Variants in PHF24 observed in about 807,000 individuals in gnomAD.
PHF24 encodes Galpha inhibitory interacting protein.
A neutral mutation model predicts 42.6 loss-of-function variants in PHF24; 25 were observed. The ratio of observed to expected loss-of-function variants is 0.59; its 90% CI spans 0.43 to 0.82. The LOEUF is 0.82. PHF24 is among the 40% of genes least tolerant of loss of function. The pLI is 0.00. For synonymous variants in PHF24, 185 were observed against 204.8 expected (o/e 0.90, Z 0.83); for missense variants, 470 against 538.1 (o/e 0.87, Z 1.25).
At chr9:34,964,739 T>TC (rs527811277) in intron 1 of PHF24, among the ~76,000 whole-genome samples, 196 of 152,310 alleles carry the variant, frequency 1.3e-3, no homozygotes, top group Admixed American at 4.7e-3. Flanking sequence ...TAGACATGCT[T>TC]CTCTTACCCA....
At chr9:34,957,781 C>G (rs929474810), upstream of PHF24, 2 of 152,256 alleles carry the variant, frequency 1.3e-5, no homozygotes, top group African/African-American at 4.8e-5. Context: ...TCATTCTCCC[C>G]ACCCCGGGCA....
At chr9:34,723,471 C>G in the PHF24 span, 1 of 1,551,824 alleles carries the variant, frequency 6.4e-7, no homozygotes, top group East Asian at 2.4e-5. Flanking sequence ...GGGCTCTTGG[C>G]TGGAGCCAGG....
chr9:34,777,958 G>A, the PHF24 span, among the ~76,000 whole-genome samples: 1 of 152,188 alleles, frequency 6.6e-6, no homozygotes, highest in Admixed American at 6.5e-5. Context: ...AGTCTGTGGT[G>A]GTAATGTGGA....
the PHF24 span, among the ~76,000 whole-genome samples, chr9:34,839,024 G>A: frequency 3.1e-3 from 478 of 152,344 alleles, no homozygotes; most frequent in African/African-American, 0.011. Context: ...TAACAGAGGT[G>A]CGGGAAGGGG....
chr9:34,910,727 G>A, the PHF24 span, among the ~76,000 whole-genome samples: 35 of 152,060 alleles, frequency 2.3e-4, no homozygotes, highest in Admixed American at 2.3e-3. Context: ...AAAGACTAAG[G>A]GGTTTTGTCA....
chr9:34,918,181 A>C, the PHF24 span: 1 of 1,464,674 alleles, frequency 6.8e-7, no homozygotes, highest in South Asian at 1.1e-5. Flanking sequence ...AAGAAGGGTT[A>C]CTTTGAAGAC....
At chr9:34,899,464 GC>G in the PHF24 span, among the ~76,000 whole-genome samples, 3 of 152,168 alleles carry the variant, frequency 2.0e-5, no homozygotes, top group Non-Finnish European at 4.4e-5. Context: ...CTCCACACAA[GC>G]CTTACGAAAG....
chr9:34,733,339 T>C, the PHF24 span, among the ~76,000 whole-genome samples: 1 of 152,314 alleles, frequency 6.6e-6, no homozygotes, highest in South Asian at 2.1e-4. Context: ...AAAAATCACT[T>C]ATTGATATGT....
chr9:34,768,402 G>A, the PHF24 span, among the ~76,000 whole-genome samples: 1 of 152,180 alleles, frequency 6.6e-6, no homozygotes, highest in Admixed American at 6.5e-5. Flanking sequence ...TATGTAACTA[G>A]CATGGTAGTT....
intron 3 of PHF24, 106 bp from the exon 4 acceptor site, chr9:34,976,046 T>G: frequency 2.6e-6 from 2 of 779,040 alleles, no homozygotes; most frequent in Non-Finnish European, 4.5e-6. Context: ...TGGGATTAGA[T>G]GATCTTGGAA....
chr9:34,840,362 C>G, the PHF24 span, among the ~76,000 whole-genome samples: 1 of 121,736 alleles, frequency 8.2e-6, no homozygotes, highest in Non-Finnish European at 1.7e-5. Flanking sequence ...GTTTTATTCA[C>G]AAAGGGAAAG....
At chr9:34,865,151 A>AG in the PHF24 span, among the ~76,000 whole-genome samples, 1 of 150,976 alleles carries the variant, frequency 6.6e-6, no homozygotes, top group Non-Finnish European at 1.5e-5. Context: ...TGCAAAAAAA[A>AG]AAAAAAAAGC....
the PHF24 span, among the ~76,000 whole-genome samples, chr9:34,677,619 C>T: frequency 2.0e-5 from 3 of 152,150 alleles, no homozygotes; most frequent in South Asian, 2.1e-4. Context: ...AGGATGTTCT[C>T]GATCTCCTGA....
the PHF24 span, among the ~76,000 whole-genome samples, chr9:34,823,650 G>C: frequency 6.6e-5 from 10 of 152,088 alleles, no homozygotes; most frequent in South Asian, 6.2e-4. Context: ...CAAAGGAAAG[G>C]GGGGAAGCTT....
the PHF24 span, among the ~76,000 whole-genome samples, chr9:34,909,868 C>T: frequency 6.6e-6 from 1 of 152,218 alleles, no homozygotes; most frequent in Non-Finnish European, 1.5e-5. Flanking sequence ...ACCTCGTGAT[C>T]TGCCCGCCTT....
At chr9:34,959,314 G>T (rs1406508915) in intron 1 of PHF24, among the ~76,000 whole-genome samples, 1 of 152,168 alleles carries the variant, frequency 6.6e-6, no homozygotes, top group African/African-American at 2.4e-5. Flanking sequence ...GCACCAGTAC[G>T]CTAGGCAGTA....
the PHF24 span, chr9:34,837,829 T>A: frequency 1.5e-6 from 1 of 660,614 alleles, no homozygotes; most frequent in Non-Finnish European, 2.7e-6. Flanking sequence ...TTTCCTGGAT[T>A]TTCTTTGCCT....
the PHF24 span, among the ~76,000 whole-genome samples, chr9:34,915,532 A>G: frequency 2.0e-5 from 3 of 148,750 alleles, no homozygotes; most frequent in Non-Finnish European, 3.0e-5. Context: ...TCAAAGCTAG[A>G]AATGCCAAGA....
chr9:34,884,577 T>G, the PHF24 span, among the ~76,000 whole-genome samples: 2 of 151,998 alleles, frequency 1.3e-5, no homozygotes, highest in Non-Finnish European at 2.9e-5. Context: ...ATGTGGAAAT[T>G]TAGGGGCAGA....
Sources: allele counts gnomAD v4.1 joint callset (sites outside exome capture counted in the v4.1 genomes callset), GRCh38; gene constraint gnomAD v4.1.1; transcripts MANE v1.5; gene names NCBI Gene and HGNC (gene_info 2026-07-23, HGNC 2026-07-21).